The following CFAP58 variants were observed in gnomAD, a reference collection of about 807,000 sequenced individuals.
CFAP58 encodes the protein cilia- and flagella-associated protein 58.
In CFAP58, 88 loss-of-function variants were observed where a neutral mutation model predicts 119.5. The observed-to-expected ratio is 0.74, with a 90% CI of 0.62 to 0.88. CFAP58 has a LOEUF of 0.88. Among genes scored for constraint, CFAP58 ranks in the 40% least tolerant of loss-of-function variants. CFAP58 has a pLI of 0.00. For synonymous variants in CFAP58, 365 were observed against 366.3 expected (o/e 1.00, Z 0.04); for missense variants, 990 against 1,021.2 (o/e 0.97, Z 0.42).
rs375050707 is a variant in CFAP58, at chr10:104,450,083, G to C, written c.2389G>C (p.Glu797Gln). ...TTTGCCATGTTAGGTTTTGTCTTCA[G>C]AATTGAATATGTATGAAGTACAGAG... ...KKQQLKVLSSELNMYEVQSKE... is the reference protein window; with the variant it reads ...KKQQLKVLSSQLNMYEVQSKE... Residue 797 changes from glutamate (E) to glutamine (Q), a missense_variant, in exon 17 of 18, where the codon GAA becomes CAA. Glu to Gln is a conservative substitution (Grantham distance 29, BLOSUM62 2). Transcript: ENST00000369704. 6 of 1,598,562 alleles carry C rather than the reference G, an allele frequency of 3.8e-6. No individual in the cohort carries two copies. In the Admixed American group the frequency reaches 7.2e-5, roughly 19 times the overall value.
At chr10:104,422,739 G>A (rs2012681758) in intron 15 of CFAP58, among the ~76,000 whole-genome samples, 1 of 152,194 alleles carries the variant, frequency 6.6e-6, no homozygotes, top group Non-Finnish European at 1.5e-5. Context: ...GCAAGAAAGG[G>A]CAATCCTCAA....
intron 15 of CFAP58, among the ~76,000 whole-genome samples, chr10:104,420,993 T>C (rs2133067583): frequency 6.6e-6 from 1 of 152,266 alleles, no homozygotes; most frequent in Non-Finnish European, 1.5e-5. Context: ...GCTCAAGTGA[T>C]CCACCAACCT....
At chr10:104,375,455 C>T (rs1048271751) in intron 7 of CFAP58, among the ~76,000 whole-genome samples, 4 of 152,118 alleles carry the variant, frequency 2.6e-5, no homozygotes, top group African/African-American at 7.2e-5. Context: ...TAGCTCATGC[C>T]TGCCTGTAAT....
At chr10:104,395,496 C>A (rs914689819) in intron 11 of CFAP58, among the ~76,000 whole-genome samples, 2 of 152,124 alleles carry the variant, frequency 1.3e-5, no homozygotes, top group African/African-American at 2.4e-5. Context: ...GAGAGAGAGG[C>A]CTGCCTGATT....
At chr10:104,340,936 G>A in the CFAP58 span, among the ~76,000 whole-genome samples, 1 of 152,170 alleles carries the variant, frequency 6.6e-6, no homozygotes, top group Non-Finnish European at 1.5e-5. Context: ...GTCGCGGGAA[G>A]GAAACTTGTG....
At chr10:104,383,925 T>G (rs894978162) in intron 9 of CFAP58, among the ~76,000 whole-genome samples, 3 of 152,184 alleles carry the variant, frequency 2.0e-5, no homozygotes, top group African/African-American at 7.2e-5. Context: ...CAAGTTTATC[T>G]TTTTGACCCA....
chr10:104,414,485 A>G (rs2012513428), intron 15 of CFAP58, among the ~76,000 whole-genome samples: 1 of 149,772 alleles, frequency 6.7e-6, no homozygotes, highest in African/African-American at 2.5e-5. Context: ...GAGAAGGTTC[A>G]GGCTGTAGGT....
intron 13 of CFAP58, among the ~76,000 whole-genome samples, chr10:104,402,797 G>T (rs1485710292): frequency 6.6e-6 from 1 of 152,182 alleles, no homozygotes; most frequent in Non-Finnish European, 1.5e-5. Flanking sequence ...GACCTCTGAA[G>T]CCGGGGACCC....
intron 15 of CFAP58, among the ~76,000 whole-genome samples, chr10:104,410,570 G>T (rs1481250427): frequency 6.6e-6 from 1 of 152,206 alleles, no homozygotes; most frequent in East Asian, 1.9e-4. Context: ...CCAGCTTCCA[G>T]TGATGTGACT....
intron 7 of CFAP58, among the ~76,000 whole-genome samples, chr10:104,374,306 AAAAG>A (rs1359446036): frequency 6.6e-6 from 1 of 151,852 alleles, no homozygotes; most frequent in South Asian, 2.1e-4. Flanking sequence ...CCAGAAAAAA[AAAAG>A]AAAGAAAGAT....
At chr10:104,390,992 A>C (rs2012028493) in intron 9 of CFAP58, among the ~76,000 whole-genome samples, 1 of 152,238 alleles carries the variant, frequency 6.6e-6, no homozygotes, top group Non-Finnish European at 1.5e-5. Context: ...GTGCTTATTT[A>C]AATATATAAA....
At position 104,364,725 on chromosome 10, in the gene CFAP58, CT is replaced by C; in HGVS notation, c.441-3del. On this transcript the variant is annotated splice_polypyrimidine_tract_variant and splice_region_variant and intron_variant, in intron 3 of 17. Coordinates refer to ENST00000369704, the MANE Select transcript of CFAP58 (RefSeq NM_001008723.2). Reference sequence around the variant, plus strand: ...ATTTAGTCTGACTCCTGTGTTCTTCCTTTTTAGCATCCGAGATTTACTGAGG... The same window carrying C: ...ATTTAGTCTGACTCCTGTGTTCTTCCTTTTAGCATCCGAGATTTACTGAGG... The C allele has an allele frequency of 6.2e-7, 1 of 1,612,384 alleles. No homozygotes were observed. Among genetic ancestry groups the C allele is most frequent in the South Asian group, 1.1e-5 (1 of 90,974 alleles).
the CFAP58 span, among the ~76,000 whole-genome samples, chr10:104,341,811 G>A: frequency 6.6e-6 from 1 of 152,048 alleles, no homozygotes; most frequent in Non-Finnish European, 1.5e-5. Context: ...ATAAAATTTG[G>A]CATCGACATA....
intron 2 of CFAP58, 39 bp from the exon 3 acceptor site, chr10:104,361,984 A>G (rs780886685): frequency 1.3e-6 from 2 of 1,594,766 alleles, no homozygotes; most frequent in Non-Finnish European, 1.7e-6. Context: ...TCTAGAATCC[A>G]GTTTGGTCTT....
chr10:104,360,460 C>CG (rs992808701), intron 2 of CFAP58, among the ~76,000 whole-genome samples: 18 of 130,794 alleles, frequency 1.4e-4, no homozygotes, highest in South Asian at 1.2e-3. Context: ...GCAAGAGGGG[C>CG]GGGGGGGAGG....
At position 104,443,984 on chromosome 10, in the gene CFAP58, C is replaced by T. The variant is rs74157112; in HGVS notation, c.2257-3714C>T. Among the ~76,000 whole-genome samples the T allele has an allele frequency of 8.7e-3, 1,323 of 152,286 alleles. 23 individuals carry two copies. Among genetic ancestry groups the T allele is most frequent in the African/African-American group, 0.03 (1,264 of 41,554 alleles). The stretch of plus-strand genomic sequence containing the variant: ...TAATCACATCTGATGGCCTGTCCAA[C>T]GGAGAGAACAGGATGTCTAGGAAGA... On this transcript the variant is annotated intron_variant, in intron 15 of 17. Coordinates refer to ENST00000369704, the MANE Select transcript of CFAP58 (RefSeq NM_001008723.2).
upstream of CFAP58, among the ~76,000 whole-genome samples, chr10:104,352,183 T>C (rs1388843012): frequency 5.3e-5 from 8 of 152,216 alleles, no homozygotes; most frequent in African/African-American, 1.9e-4. Context: ...ATCTGGTATT[T>C]ACTAAACACT....
At chr10:104,369,764 A>C (rs1395256014) in intron 6 of CFAP58, among the ~76,000 whole-genome samples, 1 of 152,244 alleles carries the variant, frequency 6.6e-6, no homozygotes, top group African/African-American at 2.4e-5. Flanking sequence ...TGAGGATAAC[A>C]TGAACAGCTA....
rs1031358961 is a variant in CFAP58, at chr10:104,403,629, C to T, written c.2040-100C>T. 2.1e-5 allele frequency: 13 copies of T among 631,020 alleles called. No individual in the cohort carries two copies. The African/African-American group carries it at 2.4e-4, about 12-fold the overall frequency. The allele number at this position is 631,020 out of a possible 1,614,324, so 39.1% of individuals were successfully genotyped here. ...TTCACAATATTCTCCCTAACTCCAA[C>T]TTTTTATATAAGACATAGTGTGTAT... is the stretch of plus-strand genomic sequence containing the variant. On this transcript the variant is annotated intron_variant, in intron 13 of 17. Transcript: ENST00000369704.
Sources: gnomAD v4.1 joint callset for allele counts (sites outside exome capture counted in the v4.1 genomes callset) on GRCh38, gnomAD v4.1.1 for gene constraint, MANE v1.5 for transcripts, NCBI Gene and HGNC (gene_info 2026-07-23, HGNC 2026-07-21) for gene names.